HOXB3: variants seen among roughly 807,000 people sequenced by gnomAD.
The protein encoded by HOXB3 is homeobox B3, also known as homeobox protein Hox-B3.
Under a neutral mutation model 29.2 loss-of-function variants are expected in HOXB3, and 17 were observed. The ratio of observed to expected loss-of-function variants is 0.58; its 90% CI spans 0.40 to 0.87. The LOEUF is 0.87. HOXB3 is among the 40% of genes least tolerant of loss of function. HOXB3 has a pLI of 0.00. For synonymous variants in HOXB3, 317 were observed against 285.9 expected (o/e 1.11, Z -1.10); for missense variants, 637 against 616.3 (o/e 1.03, Z -0.35).
Position 48,550,868 on chromosome 17 carries a change from C to T in HOXB3, c.762G>A (p.Ser254=), listed in dbSNP as rs781526391. Residue 254 remains serine, a synonymous_variant, in exon 5 of 5, where the codon TCG becomes TCA. Coordinates refer to ENST00000498678, the MANE Select transcript of HOXB3 (RefSeq NM_001384749.1). The stretch of plus-strand genomic sequence containing the variant: ...CGGCTGGAGATGGGCCCCCCGACGA[C>T]GAGGCCAATCCCTTGGCCTTCTGGT... ...KKDQKAKGLA[S]SSGGPSPAGS... is the part of the protein sequence containing the mutation. 2 of 1,613,932 alleles carry T rather than the reference C, an allele frequency of 1.2e-6. No individual in the cohort carries two copies. Among genetic ancestry groups the T allele is most frequent in the East Asian group, 2.2e-5 (1 of 44,850 alleles).
chr17:48,568,997 C>T (rs945629056), intron 2 of HOXB3, among the ~76,000 whole-genome samples: 4 of 151,578 alleles, frequency 2.6e-5, no homozygotes, highest in South Asian at 4.2e-4. Context: ...GGTGTGGCTC[C>T]GGCTGCGGGG....
At chr17:48,555,372 GGGAGGGA>G in intron 3 of HOXB3, 152 bp downstream of exon 3, 2 of 601,548 alleles carry the variant, frequency 3.3e-6, no homozygotes, top group Non-Finnish European at 5.9e-6. Context: ...GAGGGAGGGA[GGGAGGGA>G]GGGAGGGAGG....
chr17:48,576,655 C>CCCCCCCAA, intron 1 of HOXB3: 1 of 662,298 alleles, frequency 1.5e-6, no homozygotes, highest in East Asian at 4.5e-5. Flanking sequence ...TCCTGTCCCC[C>CCCCCCCAA]CACCCCATCC....
At chr17:48,561,183 A>ACACACACAC (rs2069180332) in intron 2 of HOXB3, among the ~76,000 whole-genome samples, 1 of 125,380 alleles carries the variant, frequency 8.0e-6, no homozygotes, top group African/African-American at 2.9e-5. Flanking sequence ...TCCGTCTCAA[A>ACACACACAC]ACACACACAC....
chr17:48,564,192 C>A (rs1013228495), intron 2 of HOXB3, among the ~76,000 whole-genome samples: 5 of 152,044 alleles, frequency 3.3e-5, no homozygotes, highest in Non-Finnish European at 7.4e-5. Flanking sequence ...CCGAGCGCCC[C>A]GGCTCCGCAC....
intron 1 of HOXB3, chr17:48,578,434 C>A: frequency 7.3e-7 from 1 of 1,370,020 alleles, no homozygotes; most frequent in East Asian, 2.8e-5. Context: ...TAGGCGCCCA[C>A]GTGATCCTCC....
At chr17:48,564,008 C>T (rs1034488645) in intron 2 of HOXB3, among the ~76,000 whole-genome samples, 1 of 152,170 alleles carries the variant, frequency 6.6e-6, no homozygotes, top group Non-Finnish European at 1.5e-5. Context: ...CCAAACAGCT[C>T]CACATTCCTC....
intron 2 of HOXB3, among the ~76,000 whole-genome samples, chr17:48,558,940 TGAGAGA>T (rs139226124): frequency 1.3e-5 from 2 of 148,830 alleles, no homozygotes; most frequent in Non-Finnish European, 3.0e-5. Flanking sequence ...TGTGTGTGTG[TGAGAGA>T]GAGAGAGAGA....
rs1248430309 is a variant in HOXB3 at position 48,554,588 on chromosome 17, G to A, written c.-159+943C>T. On this transcript the variant is annotated intron_variant, in intron 3 of 4. Transcript: ENST00000498678. This position sits in a 1 kb window ranked among gnomAD's most constrained non-coding sequence, Gnocchi z 4.1. ...TGCTGCTGCCAGGCTGCCTCAGCCG[G>A]TCGCTGCTGCCGCGGCGACTGGCGA... 1.4e-6 allele frequency: 1 copy of A among 699,284 alleles called. No homozygotes were observed. Among genetic ancestry groups the A allele is most frequent in the Admixed American group, 2.0e-5 (1 of 49,912 alleles). 43.3% of individuals were successfully genotyped at this position (699,284 alleles called of 1,614,324 possible).
chr17:48,569,763 T>A (rs942016814), intron 2 of HOXB3, among the ~76,000 whole-genome samples: 13 of 152,222 alleles, frequency 8.5e-5, no homozygotes, highest in African/African-American at 3.1e-4. Context: ...GGCTTTATTC[T>A]CGTTTTGATC....
At chr17:48,574,331 C>G (rs1477755538) in intron 1 of HOXB3, 1 of 160,834 alleles carries the variant, frequency 6.2e-6, no homozygotes, top group Non-Finnish European at 1.4e-5. Flanking sequence ...TCGCCCCTCT[C>G]ATCCTCCAGG....
intron 2 of HOXB3, among the ~76,000 whole-genome samples, chr17:48,568,241 C>G (rs1349821017): frequency 4.6e-5 from 7 of 152,220 alleles, no homozygotes; most frequent in Admixed American, 4.6e-4. Flanking sequence ...AAAAATGGAG[C>G]TCTGTCTGCT....
chr17:48,550,624 C>T lies in HOXB3; in HGVS notation c.1006G>A (p.Ala336Thr), dbSNP rs765114348. Residue 336 changes from alanine (A) to threonine (T), a missense_variant, in exon 5 of 5, where the codon GCC (alanine) becomes ACC (threonine). By Grantham distance (58) the Ala-to-Thr change is moderately conservative. Transcript: ENST00000498678. ...GGCGTCCCGTAGGCGCCCCCGTTGGCTTGGAGGACGTGCGGCTCATACTCG... is the reference window on the plus strand; with the variant it reads ...GGCGTCCCGTAGGCGCCCCCGTTGGTTTGGAGGACGTGCGGCTCATACTCG... ...APEYEPHVLQANGGAYGTPTM... is the reference protein window; with the variant it reads ...APEYEPHVLQTNGGAYGTPTM... The T allele has an allele frequency of 3.9e-6, 6 of 1,522,430 alleles. No homozygotes were observed. In the Admixed American group the frequency reaches 8.8e-5, roughly 22 times the overall value. The allele number at this position is 1,522,430 out of a possible 1,614,324, so 94.3% of individuals were successfully genotyped here. A position where few individuals can be genotyped will look rare whatever the true frequency, so the allele number is the denominator to read the frequency against.
chr17:48,550,863 G>A lies in HOXB3; in HGVS notation c.767C>T (p.Ser256Leu). The A allele has an allele frequency of 1.9e-6, 3 of 1,613,926 alleles. No individual in the cohort carries two copies. The highest frequency in any genetic ancestry group is 2.5e-6 in the Non-Finnish European group (3 of 1,179,934). ...DQKAKGLASS[S>L]GGPSPAGSPP... ...GCTGCCGGCTGGAGATGGGCCCCCC[G>A]ACGACGAGGCCAATCCCTTGGCCTT... The change falls in exon 5 of 5, where the codon TCG becomes TTG. Residue 256 changes from serine to leucine, a missense_variant. Physicochemically the swap from Ser to Leu is moderately radical, Grantham distance 145. Transcript: ENST00000498678.
At position 48,552,381 on chromosome 17, in the gene HOXB3, G is replaced by T; in HGVS notation, c.94C>A (p.Pro32Thr). Residue 32 changes from proline (P) to threonine (T), a missense_variant, in exon 4 of 5, where the codon CCC becomes ACC. Coordinates refer to ENST00000498678, the MANE Select transcript of HOXB3 (RefSeq NM_001384749.1). ...GCGGCCTGAAATGGGGGTTGGGGGG[G>T]GACATCGAAGCCGAAGCCATTGCTG... ...PGSNGFGFDV[P>T]PQPPFQAATH... The T allele has an allele frequency of 1.2e-6, 2 of 1,613,230 alleles. No individual in the cohort carries two copies. Among genetic ancestry groups the T allele is most frequent in the African/African-American group, 2.7e-5 (2 of 75,020 alleles).
intron 1 of HOXB3, chr17:48,576,649 G>GGCCCCCCCCCC: frequency 1.3e-6 from 1 of 774,816 alleles, no homozygotes; most frequent in Non-Finnish European, 1.8e-6. Context: ...GCCCCCTCCT[G>GGCCCCCCCCCC]TCCCCCCACC....
chr17:48,567,137 T>C (rs1391418344), intron 2 of HOXB3, among the ~76,000 whole-genome samples: 1 of 152,160 alleles, frequency 6.6e-6, no homozygotes, highest in East Asian at 1.9e-4. Flanking sequence ...CCTTTTCAAC[T>C]GAGACTCCTG....
chr17:48,575,678 G>A (rs1291972524), intron 1 of HOXB3: 1 of 151,676 alleles, frequency 6.6e-6, no homozygotes, highest in Non-Finnish European at 1.5e-5. Context: ...CAAAAAAATA[G>A]TAATAATAAT....
intron 1 of HOXB3, among the ~76,000 whole-genome samples, 187 bp downstream of exon 1, chr17:48,589,938 C>T (rs987769618): frequency 2.6e-5 from 4 of 152,098 alleles, no homozygotes; most frequent in Non-Finnish European, 5.9e-5. Context: ...CAGGCACCCC[C>T]GACCGATGAG....
Sources: gnomAD v4.1 joint callset for allele counts (sites outside exome capture counted in the v4.1 genomes callset) on GRCh38, gnomAD v4.1.1 for gene constraint, Gnocchi (gnomAD v3.1) non-coding constraint, MANE v1.5 for transcripts, NCBI Gene and HGNC (gene_info 2026-07-23, HGNC 2026-07-21) for gene names.